LOC128125822: variants seen among roughly 807,000 people sequenced by gnomAD.
the LOC128125822 span, chr6:63,578,765 C>G: frequency 3.5e-6 from 4 of 1,135,446 alleles, no homozygotes. Context: ...TGGTAGACAA[C>G]AGGGTTTAAT....
chr6:63,572,726 AG>A, the LOC128125822 span: 1 of 398,344 alleles, frequency 2.5e-6, no homozygotes, highest in Non-Finnish European at 4.4e-6. Flanking sequence ...TCCTGTGAGT[AG>A]CCGTCGCATC....
the LOC128125822 span, among the ~76,000 whole-genome samples, chr6:63,577,474 C>T: frequency 2.0e-5 from 3 of 152,174 alleles, no homozygotes; most frequent in African/African-American, 2.4e-5. Flanking sequence ...AATAATATAT[C>T]GGGATGTGCA....
the LOC128125822 span, chr6:63,581,206 C>G: frequency 6.6e-6 from 1 of 152,384 alleles, no homozygotes; most frequent in Non-Finnish European, 1.5e-5. Flanking sequence ...ATGAATTGAG[C>G]AGACATCTAA....
chr6:63,577,114 A>G, the LOC128125822 span: 7 of 689,542 alleles, frequency 1.0e-5, no homozygotes, highest in Middle Eastern at 2.7e-4. Context: ...CCAGAAATAA[A>G]TGTCAATGTC....
chr6:63,578,945 T>C, the LOC128125822 span: 375 of 1,603,420 alleles, frequency 2.3e-4, no homozygotes, highest in Non-Finnish European at 2.9e-4. Flanking sequence ...AGATTGTTGA[T>C]GACTGGTTAA....
the LOC128125822 span, chr6:63,580,140 C>A: frequency 6.2e-7 from 1 of 1,612,868 alleles, no homozygotes; most frequent in East Asian, 2.2e-5. Flanking sequence ...TTCAAAGATT[C>A]CAACGGTCAT....
At chr6:63,577,957 G>A in the LOC128125822 span, among the ~76,000 whole-genome samples, 1 of 147,936 alleles carries the variant, frequency 6.8e-6, no homozygotes, top group South Asian at 2.1e-4. Flanking sequence ...AATGGTATGT[G>A]GGCTTTTTTA....
chr6:63,578,886 C>A, the LOC128125822 span: 1 of 1,517,544 alleles, frequency 6.6e-7, no homozygotes, highest in Non-Finnish European at 8.8e-7. Context: ...TTTAAATATT[C>A]TTCTGACTTA....
chr6:63,579,478 T>C, the LOC128125822 span: 1 of 565,670 alleles, frequency 1.8e-6, no homozygotes, highest in African/African-American at 2.0e-5. Flanking sequence ...TTACATTCTT[T>C]TTTGCATTTC....
the LOC128125822 span, chr6:63,580,048 T>C: frequency 2.2e-5 from 34 of 1,575,790 alleles, no homozygotes; most frequent in African/African-American, 2.1e-4. Context: ...TTTTTTTTTT[T>C]CCTCCCAGAA....
chr6:63,583,002 A>G, the LOC128125822 span: 1 of 152,162 alleles, frequency 6.6e-6, no homozygotes, highest in Non-Finnish European at 1.5e-5. Flanking sequence ...TTAATGTCAT[A>G]TTCATCTGGT....
chr6:63,580,311 AAGCT>A, the LOC128125822 span: 1 of 709,204 alleles, frequency 1.4e-6, no homozygotes, highest in Non-Finnish European at 2.4e-6. Context: ...ACCAGGCCTC[AAGCT>A]AGACAGATTT....
At chr6:63,573,941 C>T in the LOC128125822 span, among the ~76,000 whole-genome samples, 7,213 of 152,178 alleles carry the variant, frequency 0.047, 411 homozygotes, top group African/African-American at 0.14. Flanking sequence ...TATGTTGTTG[C>T]CTCCTGTTGG....
chr6:63,579,229 CTATT>C, the LOC128125822 span: 120 of 1,569,748 alleles, frequency 7.6e-5, no homozygotes, highest in Middle Eastern at 3.4e-4. Context: ...TTTGAAAAAA[CTATT>C]TATCAAAATT....
the LOC128125822 span, chr6:63,578,825 G>C: frequency 1.5e-6 from 2 of 1,332,696 alleles, no homozygotes; most frequent in Non-Finnish European, 2.0e-6. Context: ...ACATTTCCAT[G>C]TTAGAAATTT....
the LOC128125822 span, chr6:63,579,053 C>A: frequency 1.3e-6 from 2 of 1,548,476 alleles, no homozygotes; most frequent in Non-Finnish European, 1.7e-6. Context: ...CAATTTGATT[C>A]TAGGTAAAAA....
the LOC128125822 span, among the ~76,000 whole-genome samples, chr6:63,579,854 A>C: frequency 1.3e-5 from 2 of 152,272 alleles, no homozygotes; most frequent in South Asian, 4.1e-4. Flanking sequence ...CAATACTCAA[A>C]CGAAGATATA....
chr6:63,579,480 T>C, the LOC128125822 span: 1 of 552,596 alleles, frequency 1.8e-6, no homozygotes, highest in South Asian at 4.2e-5. Flanking sequence ...ACATTCTTTT[T>C]TGCATTTCAT....
the LOC128125822 span, chr6:63,578,752 A>G: frequency 8.9e-7 from 1 of 1,119,446 alleles, no homozygotes; most frequent in Non-Finnish European, 1.2e-6. Flanking sequence ...ATTTAGTCAC[A>G]TTTGGTAGAC....
Sources: gnomAD v4.1 joint callset for allele counts (sites outside exome capture counted in the v4.1 genomes callset) on GRCh38, gnomAD v4.1.1 for gene constraint, MANE v1.5 for transcripts.